DNAH14: variants seen among roughly 807,000 people sequenced by gnomAD.
DNAH14 encodes dynein axonemal heavy chain 14.
A neutral mutation model predicts 520.9 loss-of-function variants in DNAH14; 478 were observed. That is an observed-to-expected ratio of 0.92 (90% CI 0.85 to 0.99). The LOEUF (loss-of-function observed/expected upper bound fraction) is 0.99, where lower values mean the gene tolerates loss of function less well. DNAH14 is among the 50% of genes least tolerant of loss of function. The pLI, the probability that DNAH14 is intolerant of heterozygous loss-of-function variation, is 0.00. For missense variants in DNAH14, 4,831 were observed against 5,234.5 expected (o/e 0.92, Z 2.38); for synonymous variants, 1,581 against 1,757.2 (o/e 0.90, Z 2.51).
At chr1:225,298,384 G>T (rs2094061582) in intron 55 of DNAH14, among the ~76,000 whole-genome samples, 1 of 152,186 alleles carries the variant, frequency 6.6e-6, no homozygotes, top group African/African-American at 2.4e-5. Context: ...GACCCCTCCT[G>T]CTTCAAGAAG....
intron 38 of DNAH14, among the ~76,000 whole-genome samples, chr1:225,193,479 T>C (rs1348546615): frequency 1.3e-5 from 2 of 152,082 alleles, no homozygotes; most frequent in African/African-American, 4.8e-5. Context: ...CACTTAAGCC[T>C]GGCAGTTCAA....
At chr1:225,076,112 G>T (rs1338525215) in intron 17 of DNAH14, among the ~76,000 whole-genome samples, 2 of 152,192 alleles carry the variant, frequency 1.3e-5, no homozygotes, top group Non-Finnish European at 2.9e-5. Context: ...GTGGTGCTAG[G>T]TGGGCTTAAA....
chr1:225,038,932 A>G, intron 12 of DNAH14, 109 bp downstream of exon 12: 1 of 964,536 alleles, frequency 1.0e-6, no homozygotes, highest in Non-Finnish European at 1.5e-6. Context: ...CTTACCCAAC[A>G]TACCCTCGCC....
chr1:225,130,562 TCG>T (rs768433961), intron 27 of DNAH14, among the ~76,000 whole-genome samples: 19 of 148,552 alleles, frequency 1.3e-4, no homozygotes, highest in Non-Finnish European at 2.5e-4. Flanking sequence ...CAGTAAAATA[TCG>T]CAAGGATAAA....
At position 225,178,183 on chromosome 1, in the gene DNAH14, C is replaced by A. The variant is rs1220269991; in HGVS notation, c.5536-7108C>A. The stretch of plus-strand genomic sequence containing the variant: ...AGGCCTGTAGCTCCTTTGTTTTGGC[C>A]AATGTCTCCATTTGGAATGGCTATG... On this transcript the variant is annotated intron_variant, in intron 36 of 85. Coordinates refer to ENST00000682510, the MANE Select transcript of DNAH14 (RefSeq NM_001367479.1). Among the ~76,000 whole-genome samples the A allele has an allele frequency of 2.6e-5, 4 of 152,180 alleles. No individual in the cohort carries two copies. In the East Asian group the frequency reaches 5.8e-4, roughly 22 times the overall value.
intron 17 of DNAH14, among the ~76,000 whole-genome samples, chr1:225,064,233 A>G (rs774603592): frequency 5.9e-4 from 90 of 152,198 alleles, no homozygotes; most frequent in Non-Finnish European, 9.3e-4. Flanking sequence ...AATTCACTAT[A>G]TAGCCATTGG....
intron 41 of DNAH14, among the ~76,000 whole-genome samples, chr1:225,214,774 T>C (rs185737556): frequency 0.021 from 3,234 of 152,318 alleles, 91 homozygotes; most frequent in African/African-American, 0.062. Context: ...CATTTTTTAT[T>C]GCATCTATTT....
intron 54 of DNAH14, among the ~76,000 whole-genome samples, chr1:225,281,670 TTATAA>T (rs2093629363): frequency 6.6e-6 from 1 of 152,124 alleles, no homozygotes; most frequent in African/African-American, 2.4e-5. Context: ...ATTGTCAGGC[TTATAA>T]TATATAAAGA....
In DNAH14 at chr1:224,952,619, G is replaced by A. The variant is rs2060250780; in HGVS notation, c.-33-51G>A. 7.0e-6 allele frequency: 7 copies of A among 1,006,422 alleles called. No individual in the cohort carries two copies. The South Asian group carries it at 1.4e-4, about 21-fold the overall frequency. The allele number at this position is 1,006,422 out of a possible 1,614,324, so 62.3% of individuals were successfully genotyped here. On this transcript the variant is annotated intron_variant, in intron 1 of 85. Transcript: ENST00000682510. ...GCCATTTTGAATACCAATTGTCATA[G>A]CTGTCAGATTGTATTGTATATTAAA...
chr1:224,938,838 T>C (rs2059209316), intron 1 of DNAH14, among the ~76,000 whole-genome samples: 2 of 152,194 alleles, frequency 1.3e-5, no homozygotes, highest in South Asian at 4.1e-4. Flanking sequence ...ATATACAAAA[T>C]GGAATACTAT....
intron 55 of DNAH14, among the ~76,000 whole-genome samples, chr1:225,298,123 AG>A (rs1175373209): frequency 2.6e-5 from 4 of 152,210 alleles, no homozygotes; most frequent in South Asian, 2.1e-4. Context: ...TGTGTCTGCC[AG>A]GGGCAACCCA....
chr1:225,378,879 C>CAAAAAAAAAAAAA (rs113657495), intron 79 of DNAH14, among the ~76,000 whole-genome samples: 1 of 135,380 alleles, frequency 7.4e-6, no homozygotes, highest in Non-Finnish European at 1.5e-5. Context: ...AACTCCGTCC[C>CAAAAAAAAAAAAA]AAAAAAAAAA....
intron 44 of DNAH14, among the ~76,000 whole-genome samples, chr1:225,255,861 T>G (rs1490575440): frequency 1.3e-5 from 2 of 152,102 alleles, no homozygotes; most frequent in African/African-American, 4.8e-5. Flanking sequence ...CAAGAGAAAC[T>G]ATTAAAAGCT....
At position 224,954,977 on chromosome 1, in the gene DNAH14, G is replaced by GA. The variant is rs748031286; in HGVS notation, c.102dup (p.Tyr35IlefsTer2). On this transcript the variant is annotated frameshift_variant, in exon 3 of 86. Transcript: ENST00000682510. LOFTEE classifies it high-confidence loss of function. ...CATTTAGACTTTTAAGATATGAAGA[G>GA]AAAAAATATGAAGATGTGAAACCAT... 33 of 1,595,128 alleles carry GA rather than the reference G, an allele frequency of 2.1e-5. No homozygotes were observed. Among genetic ancestry groups the GA allele is most frequent in the Non-Finnish European group, 2.8e-5 (33 of 1,169,608 alleles).
intron 26 of DNAH14, among the ~76,000 whole-genome samples, chr1:225,121,828 G>A (rs1365714669): frequency 2.0e-5 from 3 of 151,628 alleles, no homozygotes; most frequent in Admixed American, 2.0e-4. Flanking sequence ...GTGACAGAGC[G>A]AGACTCCATC....
chr1:225,337,532 T>C, intron 67 of DNAH14, 36 bp downstream of exon 67: 1 of 1,494,454 alleles, frequency 6.7e-7, no homozygotes, highest in South Asian at 1.2e-5. Context: ...CCCTTGCAGC[T>C]GATACATATG....
At chr1:225,040,198 C>T (rs755841939) in intron 12 of DNAH14, among the ~76,000 whole-genome samples, 1 of 152,014 alleles carries the variant, frequency 6.6e-6, no homozygotes, top group Non-Finnish European at 1.5e-5. Flanking sequence ...CTCGGCCTCC[C>T]GAAGTGTTGG....
chr1:225,246,400 G>C (rs2092285080), intron 43 of DNAH14, among the ~76,000 whole-genome samples: 2 of 152,074 alleles, frequency 1.3e-5, no homozygotes, highest in Non-Finnish European at 2.9e-5. Context: ...AAACTAAAGA[G>C]CTTCTGCACA....
chr1:225,079,075 C>T (rs796976839), intron 17 of DNAH14, 132 bp from the exon 18 acceptor site: 3 of 841,918 alleles, frequency 3.6e-6, no homozygotes, highest in Non-Finnish European at 5.5e-6. Context: ...AGTGTGAGAA[C>T]AGACTAATAC....
Sources: allele counts gnomAD v4.1 joint callset (sites outside exome capture counted in the v4.1 genomes callset), GRCh38; gene constraint gnomAD v4.1.1; transcripts MANE v1.5; gene names NCBI Gene and HGNC (gene_info 2026-07-23, HGNC 2026-07-21).